The following MTUS2 variants were observed in gnomAD, a reference collection of about 807,000 sequenced individuals.
MTUS2 encodes microtubule associated scaffold protein 2.
Under a neutral mutation model 114.1 loss-of-function variants are expected in MTUS2, and 40 were observed. That is an observed-to-expected ratio of 0.35 (90% confidence interval 0.27 to 0.46). MTUS2 has a LOEUF of 0.46. MTUS2 is among the 20% of genes least tolerant of loss of function. The pLI, the probability that MTUS2 is intolerant of heterozygous loss-of-function variation, is 1.00. For missense variants in MTUS2, 1,679 were observed against 1,705.4 expected, an observed-to-expected ratio of 0.98 and a Z score of 0.27; for synonymous variants, 688 against 672.0, an observed-to-expected ratio of 1.02 and a Z score of -0.37.
intron 5 of MTUS2, among the ~76,000 whole-genome samples, chr13:29,265,169 A>G (rs1040986997): frequency 6.6e-6 from 1 of 152,248 alleles, no homozygotes; most frequent in Non-Finnish European, 1.5e-5. Flanking sequence ...ACCAAATTCT[A>G]TAAATCATCA....
intron 5 of MTUS2, among the ~76,000 whole-genome samples, chr13:29,106,706 A>C (rs1167112269): frequency 6.6e-6 from 1 of 151,806 alleles, no homozygotes; most frequent in Non-Finnish European, 1.5e-5. Flanking sequence ...ATTTCTGGTG[A>C]ATTCTTTCTC....
intron 2 of MTUS2, among the ~76,000 whole-genome samples, chr13:28,951,969 A>T (rs1463402836): frequency 6.6e-6 from 1 of 152,090 alleles, no homozygotes; most frequent in Non-Finnish European, 1.5e-5. Flanking sequence ...AGGGCTGGTG[A>T]TAGAGTGCCT....
chr13:28,988,497 T>G (rs1031861501), intron 2 of MTUS2, among the ~76,000 whole-genome samples: 3 of 152,196 alleles, frequency 2.0e-5, no homozygotes, highest in Non-Finnish European at 4.4e-5. Context: ...ACTGTTCTAC[T>G]AGAGAAGTTA....
At chr13:29,228,263 C>CTACTGT in intron 5 of MTUS2, among the ~76,000 whole-genome samples, 1 of 152,294 alleles carries the variant, frequency 6.6e-6, no homozygotes, top group East Asian at 1.9e-4. Flanking sequence ...AATTGGAAAT[C>CTACTGT]TGCCAGATGA....
intron 4 of MTUS2, among the ~76,000 whole-genome samples, chr13:29,049,671 G>T (rs1202189546): frequency 1.3e-5 from 2 of 152,196 alleles, no homozygotes; most frequent in Non-Finnish European, 2.9e-5. Context: ...AGCCTACAGA[G>T]CAGGAGGCTC....
At chr13:29,474,764 A>G (rs1880568678) in intron 9 of MTUS2, among the ~76,000 whole-genome samples, 2 of 152,180 alleles carry the variant, frequency 1.3e-5, no homozygotes, top group South Asian at 4.1e-4. Context: ...ATTATGCTAT[A>G]GTGGTTGTCC....
intron 5 of MTUS2, among the ~76,000 whole-genome samples, chr13:29,124,270 C>A (rs916683112): frequency 6.6e-6 from 1 of 151,944 alleles, no homozygotes; most frequent in South Asian, 2.1e-4. Flanking sequence ...TACTGATATT[C>A]TAATTTAATG....
At chr13:29,073,317 A>G (rs983892284) in intron 4 of MTUS2, among the ~76,000 whole-genome samples, 11 of 152,230 alleles carry the variant, frequency 7.2e-5, no homozygotes, top group Admixed American at 7.2e-4. Flanking sequence ...TTTCTTGCTC[A>G]GTTAGCCTCG....
At position 29,045,000 on chromosome 13, in the gene MTUS2, A is replaced by C. The variant is rs549578344; in HGVS notation, c.2446+10875A>C. On this transcript the variant is annotated intron_variant, in intron 4 of 15. Coordinates refer to ENST00000612955, the MANE Select transcript of MTUS2 (RefSeq NM_001033602.4). ...TTGCCATGTGTCCCCCTTTATCTTC[A>C]AAGCAGTAATGGTGTGTTGAATCCT... is the stretch of plus-strand genomic sequence containing the variant. Among the ~76,000 whole-genome samples, 28 of 152,278 alleles carry C rather than the reference A, an allele frequency of 1.8e-4. No individual in the cohort carries two copies. In the South Asian group the frequency reaches 5.6e-3, roughly 30 times the overall value.
chr13:28,878,285 A>ATG (rs1336276733), intron 2 of MTUS2, among the ~76,000 whole-genome samples: 9 of 151,052 alleles, frequency 6.0e-5, no homozygotes, highest in Middle Eastern at 3.4e-3. Context: ...ATGTGTGTGT[A>ATG]TGTGTGTACA....
At chr13:29,427,235 C>G (rs1186388820) in intron 8 of MTUS2, among the ~76,000 whole-genome samples, 1 of 152,180 alleles carries the variant, frequency 6.6e-6, no homozygotes, top group African/African-American at 2.4e-5. Context: ...GGCTGCTATT[C>G]CATGAATGTG....
intron 5 of MTUS2, among the ~76,000 whole-genome samples, chr13:29,124,571 C>T (rs1891439390): frequency 6.6e-6 from 1 of 152,030 alleles, no homozygotes; most frequent in Admixed American, 6.5e-5. Flanking sequence ...CCAGCAATTC[C>T]ACTACTGGAT....
At chr13:28,947,693 T>C (rs1019212304) in intron 2 of MTUS2, among the ~76,000 whole-genome samples, 2 of 152,168 alleles carry the variant, frequency 1.3e-5, no homozygotes, top group African/African-American at 4.8e-5. Context: ...CTCCAACACC[T>C]TTCAGGTCTT....
chr13:29,016,181 G>T (rs1255249884), intron 2 of MTUS2, among the ~76,000 whole-genome samples: 4 of 152,120 alleles, frequency 2.6e-5, no homozygotes. Context: ...GGGATTACAG[G>T]TATGAGCCAC....
At chr13:29,272,896 G>A (rs1200582182) in intron 5 of MTUS2, among the ~76,000 whole-genome samples, 1 of 152,164 alleles carries the variant, frequency 6.6e-6, no homozygotes, top group African/African-American at 2.4e-5. Flanking sequence ...CAAGATCAAG[G>A]GGCTGACAGA....
chr13:28,863,101 T>A (rs1877091928), intron 2 of MTUS2, among the ~76,000 whole-genome samples: 1 of 152,188 alleles, frequency 6.6e-6, no homozygotes, highest in Non-Finnish European at 1.5e-5. Context: ...ATTCCAGTAA[T>A]GTGCAGGAGA....
At chr13:29,142,720 C>CA (rs1351243861) in intron 5 of MTUS2, among the ~76,000 whole-genome samples, 2 of 151,890 alleles carry the variant, frequency 1.3e-5, no homozygotes, top group African/African-American at 4.8e-5. Flanking sequence ...AAAACAAAAA[C>CA]AAAAAAAGAA....
At chr13:29,006,451 C>G (rs1400094459) in intron 2 of MTUS2, among the ~76,000 whole-genome samples, 5 of 152,082 alleles carry the variant, frequency 3.3e-5, no homozygotes, top group Non-Finnish European at 7.4e-5. Flanking sequence ...TACATTTTTT[C>G]CTAGTCCTCC....
At chr13:29,120,238 GAAACCTTAAA>G (rs202004390) in intron 5 of MTUS2, among the ~76,000 whole-genome samples, 2,938 of 152,038 alleles carry the variant, frequency 0.019, 105 homozygotes, top group African/African-American at 0.067. Flanking sequence ...ATTTAAAAAA[GAAACCTTAAA>G]GGTATTCATA....
Sources: gnomAD v4.1 joint callset for allele counts (sites outside exome capture counted in the v4.1 genomes callset) on GRCh38, gnomAD v4.1.1 for gene constraint, MANE v1.5 for transcripts, NCBI Gene and HGNC (gene_info 2026-07-23, HGNC 2026-07-21) for gene names.